TRIM55: variants seen among roughly 807,000 people sequenced by gnomAD.
The protein encoded by TRIM55 is tripartite motif-containing protein 55.
Under a neutral mutation model 60.9 loss-of-function variants are expected in TRIM55, and 50 were observed. The ratio of observed to expected loss-of-function variants is 0.82; its 90% CI spans 0.65 to 1.04. The LOEUF (loss-of-function observed/expected upper bound fraction) is 1.04. TRIM55 is among the 50% of genes least tolerant of loss of function. The pLI is 0.00. For synonymous variants in TRIM55, 237 were observed against 238.1 expected, an observed-to-expected ratio of 1.00 and a Z score of 0.04; for missense variants, 681 against 666.9, an observed-to-expected ratio of 1.02 and a Z score of -0.23.
intron 4 of TRIM55, among the ~76,000 whole-genome samples, chr8:66,147,030 C>T (rs1351786941): frequency 6.6e-6 from 1 of 152,188 alleles, no homozygotes; most frequent in East Asian, 1.9e-4. Context: ...GTTCCTCCAC[C>T]TACACAAAGG....
At chr8:66,120,068 C>T in the TRIM55 span, among the ~76,000 whole-genome samples, 2 of 152,130 alleles carry the variant, frequency 1.3e-5, no homozygotes, top group Middle Eastern at 3.2e-3. Context: ...TCAGCAGCCA[C>T]GTGACTCAGG....
chr8:66,117,377 T>C, the TRIM55 span, among the ~76,000 whole-genome samples: 2 of 152,258 alleles, frequency 1.3e-5, no homozygotes, highest in Non-Finnish European at 2.9e-5. Context: ...ATTGGTTACA[T>C]GTTGAAATGA....
At chr8:66,116,952 T>C in the TRIM55 span, among the ~76,000 whole-genome samples, 4 of 152,094 alleles carry the variant, frequency 2.6e-5, no homozygotes, top group Admixed American at 2.6e-4. Flanking sequence ...AAAAGGAAAA[T>C]ACATTATGAC....
intron 9 of TRIM55, among the ~76,000 whole-genome samples, chr8:66,162,474 A>C (rs1563390724): frequency 6.6e-6 from 1 of 150,688 alleles, no homozygotes; most frequent in African/African-American, 2.4e-5. Context: ...ATTGGTCTGT[A>C]GTTTTTTTTT....
Position 66,127,410 on chromosome 8 carries a change from A to G in TRIM55, c.142A>G (p.Arg48Gly), listed in dbSNP as rs777897064. The change falls in exon 1 of 10, where the codon AGG becomes GGG. Residue 48 changes from arginine to glycine, a missense_variant. Arg to Gly is a moderately radical substitution (Grantham distance 125, BLOSUM62 -2). Transcript: ENST00000315962. ...TCTCCCTTGTCAGCACAACCTGTGT[A>G]GGAAATGTGCCAGTGATATTTTCCA... ...VILPCQHNLC[R>G]KCASDIFQAS... 1.4e-5 allele frequency: 22 copies of G among 1,613,722 alleles called. No homozygotes were observed. The highest frequency in any genetic ancestry group is 2.2e-5 in the South Asian group (2 of 91,080).
chr8:66,149,971 TTTTA>T (rs766232388), intron 5 of TRIM55, 93 bp downstream of exon 5: 2 of 1,087,766 alleles, frequency 1.8e-6, no homozygotes, highest in Admixed American at 2.5e-5. Flanking sequence ...ACATTTCAGT[TTTTA>T]TTTATTTTAC....
At chr8:66,113,538 C>T in the TRIM55 span, 1 of 456,198 alleles carries the variant, frequency 2.2e-6, no homozygotes. Context: ...CATTGCATTC[C>T]AACGAGCAGT....
At chr8:66,124,975 A>G (rs1302201842), upstream of TRIM55, among the ~76,000 whole-genome samples, 3 of 152,104 alleles carry the variant, frequency 2.0e-5, no homozygotes, top group South Asian at 6.2e-4. Flanking sequence ...AAAGGAAGAC[A>G]TAAATGACTA....
chr8:66,152,315 T>G, intron 7 of TRIM55, 62 bp from the exon 8 acceptor site: 1 of 1,521,088 alleles, frequency 6.6e-7, no homozygotes, highest in Non-Finnish European at 8.8e-7. Flanking sequence ...GCACTGGCCA[T>G]TAACTGTGTC....
At chr8:66,134,538 CT>C (rs1809364856) in intron 2 of TRIM55, among the ~76,000 whole-genome samples, 1 of 152,172 alleles carries the variant, frequency 6.6e-6, no homozygotes, top group South Asian at 2.1e-4. Flanking sequence ...CAACAATTTC[CT>C]GTTCTTGGTC....
intron 4 of TRIM55, among the ~76,000 whole-genome samples, chr8:66,148,153 G>A (rs1810208068): frequency 6.6e-6 from 1 of 152,110 alleles, no homozygotes; most frequent in East Asian, 1.9e-4. Context: ...TCAAGTCCAA[G>A]GAGATTGGCA....
Position 66,168,992 on chromosome 8 carries a change from A to G in TRIM55, c.1525-5479A>G, listed in dbSNP as rs533689930. 1.2e-4 allele frequency among the ~76,000 whole-genome samples: 18 copies of G among 152,288 alleles called. 1 individual carries two copies. In the South Asian group the frequency reaches 2.7e-3, roughly 23 times the overall value. On this transcript the variant is annotated intron_variant, in intron 9 of 9. Transcript: ENST00000315962. ...ACACAAGACAGGTAAGCGTTAGTGG[A>G]TCAGAGTCATGGATGATGTAGAGAA...
the TRIM55 span, chr8:66,113,541 C>T: frequency 2.2e-6 from 1 of 456,324 alleles, no homozygotes; most frequent in Admixed American, 2.3e-5. Flanking sequence ...TGCATTCCAA[C>T]GAGCAGTTTG....
chr8:66,130,827 A>T (rs945687950), intron 2 of TRIM55, among the ~76,000 whole-genome samples: 1 of 151,586 alleles, frequency 6.6e-6, no homozygotes, highest in South Asian at 2.1e-4. Context: ...CGCCCAGCTA[A>T]TTTTTTTGTA....
At chr8:66,114,252 G>A in the TRIM55 span, among the ~76,000 whole-genome samples, 2 of 152,084 alleles carry the variant, frequency 1.3e-5, no homozygotes, top group African/African-American at 2.4e-5. Flanking sequence ...ATCGATGCCC[G>A]CATCCTCCAG....
rs1159743445 is a variant in TRIM55 at position 66,174,343 on chromosome 8, T to A, written c.1525-128T>A. Reference sequence around the variant, plus strand: ...CTATTTCTAATAATTATGTGCCATATAATAATATTGTTATTATAATAATAA... The same window carrying A: ...CTATTTCTAATAATTATGTGCCATAAAATAATATTGTTATTATAATAATAA... On this transcript the variant is annotated intron_variant, in intron 9 of 9. Transcript: ENST00000315962. 4 of 691,292 alleles carry A rather than the reference T, an allele frequency of 5.8e-6. No homozygotes were observed. In the Admixed American group the frequency reaches 1.3e-4, roughly 23 times the overall value. 42.8% of individuals were successfully genotyped at this position (691,292 alleles called of 1,614,324 possible). A position where few individuals can be genotyped will look rare whatever the true frequency, so the allele number is the denominator to read the frequency against.
At chr8:66,168,588 A>T (rs991636389) in intron 9 of TRIM55, among the ~76,000 whole-genome samples, 2 of 152,346 alleles carry the variant, frequency 1.3e-5, no homozygotes, top group African/African-American at 4.8e-5. Flanking sequence ...CCTCCTGTCC[A>T]CATTCCTTTA....
intron 4 of TRIM55, among the ~76,000 whole-genome samples, chr8:66,137,767 A>C (rs1180412798): frequency 5.3e-5 from 8 of 152,152 alleles, no homozygotes; most frequent in African/African-American, 1.9e-4. Flanking sequence ...TGAAAAAAAA[A>C]AAAAAAAAAA....
intron 4 of TRIM55, among the ~76,000 whole-genome samples, chr8:66,149,302 AG>A (rs933759577): frequency 6.6e-6 from 1 of 152,206 alleles, no homozygotes; most frequent in African/African-American, 2.4e-5. Flanking sequence ...CACACTCCAA[AG>A]CAAAATATAA....
Sources: allele counts gnomAD v4.1 joint callset (sites outside exome capture counted in the v4.1 genomes callset), GRCh38; gene constraint gnomAD v4.1.1; transcripts MANE v1.5; gene names NCBI Gene and HGNC (gene_info 2026-07-23, HGNC 2026-07-21).